Variants in NUP153 observed in about 807,000 individuals in gnomAD.
The protein encoded by NUP153 is nucleoporin 153, also known as nuclear pore complex protein Nup153.
NUP153 carries 27 observed loss-of-function variants against 134.6 expected under a neutral mutation model. The ratio of observed to expected loss-of-function variants is 0.20; its 90% CI spans 0.15 to 0.28. The LOEUF is 0.28. Among genes scored for constraint, NUP153 ranks in the 10% least tolerant of loss-of-function variants. The pLI, the probability that NUP153 is intolerant of heterozygous loss-of-function variation, is 1.00. For missense variants in NUP153, 1,821 were observed against 1,731.3 expected, an observed-to-expected ratio of 1.05 and a Z score of -0.92; for synonymous variants, 640 against 623.5, an observed-to-expected ratio of 1.03 and a Z score of -0.40.
At chr6:17,674,858 AAAAAAAAAG>A in intron 5 of NUP153, 38 bp downstream of exon 5, 1 of 1,304,046 alleles carries the variant, frequency 7.7e-7, no homozygotes, top group Non-Finnish European at 1.0e-6. Context: ...GTTAAAGTGT[AAAAAAAAAG>A]AAAAAAAAAG....
chr6:17,642,110 C>T (rs1765872249), intron 14 of NUP153, among the ~76,000 whole-genome samples: 1 of 152,042 alleles, frequency 6.6e-6, no homozygotes, highest in South Asian at 2.1e-4. Flanking sequence ...CTAAATATGA[C>T]ATAAACACCA....
rs192407887 is a variant in NUP153 at position 17,617,658 on chromosome 6, C to T, written c.4175-963G>A. On this transcript the variant is annotated intron_variant, in intron 20 of 21. Transcript: ENST00000262077. ...AGGAGTTTGAGAACAACCTAGGCAA[C>T]ATGGCGAGATCCTATCTCTATAAAA... Among the ~76,000 whole-genome samples the T allele has an allele frequency of 2.2e-4, 34 of 152,012 alleles. No homozygotes were observed. The East Asian group carries it at 6.0e-3, about 27-fold the overall frequency.
At chr6:17,702,928 G>C (rs1019532449) in intron 1 of NUP153, among the ~76,000 whole-genome samples, 1 of 152,080 alleles carries the variant, frequency 6.6e-6, no homozygotes, top group Admixed American at 6.6e-5. Flanking sequence ...GGCCGGGCGC[G>C]GTGGCTCACG....
intron 20 of NUP153, among the ~76,000 whole-genome samples, chr6:17,617,922 T>C (rs1764423141): frequency 6.6e-6 from 1 of 152,158 alleles, no homozygotes. Context: ...TTTAGTGTTT[T>C]AGTCTTTGTA....
intron 16 of NUP153, among the ~76,000 whole-genome samples, chr6:17,633,615 G>A (rs1765370927): frequency 6.6e-6 from 1 of 152,188 alleles, no homozygotes; most frequent in Non-Finnish European, 1.5e-5. Flanking sequence ...AAATGACTAA[G>A]AGGCAGGAAA....
At chr6:17,667,499 G>A (rs1767604940) in intron 8 of NUP153, among the ~76,000 whole-genome samples, 1 of 152,166 alleles carries the variant, frequency 6.6e-6, no homozygotes, top group African/African-American at 2.4e-5. Context: ...CGGATCACGA[G>A]GTCAAGAGAT....
intron 12 of NUP153, among the ~76,000 whole-genome samples, chr6:17,648,936 TATCC>T (rs1766361268): frequency 6.6e-6 from 1 of 152,220 alleles, no homozygotes; most frequent in African/African-American, 2.4e-5. Context: ...TTTACAAGAA[TATCC>T]TTCTCTATGG....
At chr6:17,660,705 TA>T (rs1199244730) in intron 11 of NUP153, among the ~76,000 whole-genome samples, 3 of 152,048 alleles carry the variant, frequency 2.0e-5, no homozygotes, top group Non-Finnish European at 4.4e-5. Context: ...TCTATTGTCA[TA>T]TGGTGGAAAT....
chr6:17,649,390 A>T, intron 11 of NUP153, 90 bp from the exon 12 acceptor site: 1 of 1,242,214 alleles, frequency 8.1e-7, no homozygotes. Context: ...TACAGGAAGA[A>T]GATGGTACCA....
chr6:17,630,433 G>C (rs1765180404), intron 17 of NUP153, among the ~76,000 whole-genome samples: 1 of 152,136 alleles, frequency 6.6e-6, no homozygotes, highest in South Asian at 2.1e-4. Flanking sequence ...GCCAAGGCGG[G>C]CAGATCACCC....
chr6:17,691,950 T>A (rs999625476), intron 1 of NUP153, among the ~76,000 whole-genome samples: 2 of 152,184 alleles, frequency 1.3e-5, no homozygotes, highest in Non-Finnish European at 2.9e-5. Flanking sequence ...ACAGGCCGAC[T>A]ACCACATCCA....
At chr6:17,640,600 T>C (rs1258520523) in intron 14 of NUP153, among the ~76,000 whole-genome samples, 1 of 152,198 alleles carries the variant, frequency 6.6e-6, no homozygotes, top group Non-Finnish European at 1.5e-5. Context: ...GATGAAATAC[T>C]TATGCAGCCA....
chr6:17,681,967 G>A (rs1237566108), intron 2 of NUP153, among the ~76,000 whole-genome samples: 2 of 152,070 alleles, frequency 1.3e-5, no homozygotes, highest in African/African-American at 4.8e-5. Context: ...AGCACTTTTA[G>A]GAGGCTGAGG....
intron 14 of NUP153, among the ~76,000 whole-genome samples, chr6:17,642,876 A>C (rs1272797285): frequency 6.6e-6 from 1 of 152,368 alleles, no homozygotes; most frequent in African/African-American, 2.4e-5. Context: ...GTATTGAGAC[A>C]TAAGAACCTT....
chr6:17,674,944 A>C lies in NUP153; in HGVS notation c.813T>G (p.Ala271=), dbSNP rs762032185. The change falls in exon 5 of 22, where the codon GCT becomes GCG. Residue 271 remains alanine (A), a synonymous_variant. Transcript: ENST00000262077. The part of the protein sequence containing the change: ...PGKTTYGGAA[A]AVRQSKLRNT... ...TTCGTAGTTTAGACTGTCTTACAGC[A>C]GCTGCTGCCCCACCGTATGTTGTTT... is the stretch of plus-strand genomic sequence containing the variant. The C allele has an allele frequency of 3.4e-5, 55 of 1,613,920 alleles. No homozygotes were observed. The South Asian group carries it at 5.3e-4, about 15-fold the overall frequency.
chr6:17,646,696 G>A lies in NUP153; in HGVS notation c.1633-542C>T, dbSNP rs570230649. On this transcript the variant is annotated intron_variant, in intron 13 of 21. Coordinates refer to ENST00000262077, the MANE Select transcript of NUP153 (RefSeq NM_005124.4). ...AAACAGTATATAAAATAATGATGGT[G>A]TGTTCCTAATGCCCAGTTCCAATTT... is the stretch of plus-strand genomic sequence containing the variant. Among the ~76,000 whole-genome samples the A allele has an allele frequency of 1.8e-4, 27 of 151,618 alleles. No homozygotes were observed. The East Asian group carries it at 5.2e-3, about 29-fold the overall frequency.
Position 17,628,134 on chromosome 6 carries a change from T to C in NUP153, c.3544+521A>G, listed in dbSNP as rs2113771218. ...CTTTAATAGGATCCACCAACAATCATGCTTTTAACCTTTAAGGTGCTATGT... is the reference window on the plus strand; with the variant it reads ...CTTTAATAGGATCCACCAACAATCACGCTTTTAACCTTTAAGGTGCTATGT... On this transcript the variant is annotated intron_variant, in intron 18 of 21. Transcript: ENST00000262077. This position sits in a 1 kb window ranked among gnomAD's most constrained non-coding sequence, Gnocchi z 5.4. Among the ~76,000 whole-genome samples the C allele has an allele frequency of 6.6e-6, 1 of 152,346 alleles. No individual in the cohort carries two copies. The highest frequency in any genetic ancestry group is 2.1e-4 in the South Asian group (1 of 4,828).
chr6:17,637,282 C>T lies in NUP153; in HGVS notation c.2335G>A (p.Val779Ile). 1 of 1,614,224 alleles carries T rather than the reference C, an allele frequency of 6.2e-7. No individual in the cohort carries two copies. ...TMTASSSSCTVTTGTLGFGDK... is the reference protein window; with the variant it reads ...TMTASSSSCTITTGTLGFGDK... ...CCAAATCCTAAGGTACCAGTGGTTA[C>T]AGTGCAGCTGGAAGATGAAGCAGTC... Residue 779 changes from valine (V) to isoleucine (I), a missense_variant, in exon 16 of 22, where the codon GTA (valine) becomes ATA (isoleucine). Transcript: ENST00000262077.
At chr6:17,679,833 G>A (rs1768469815) in intron 2 of NUP153, among the ~76,000 whole-genome samples, 1 of 152,060 alleles carries the variant, frequency 6.6e-6, no homozygotes, top group Non-Finnish European at 1.5e-5. Flanking sequence ...ACCTTTTAAA[G>A]AATTCCAGGA....
Sources: gnomAD v4.1 joint callset for allele counts (sites outside exome capture counted in the v4.1 genomes callset) on GRCh38, gnomAD v4.1.1 for gene constraint, Gnocchi (gnomAD v3.1) non-coding constraint, MANE v1.5 for transcripts, NCBI Gene and HGNC (gene_info 2026-07-23, HGNC 2026-07-21) for gene names.